C6orf132: variants seen among roughly 807,000 people sequenced by gnomAD.
C6orf132 encodes chromosome 6 open reading frame 132.
In C6orf132, 43 loss-of-function variants were observed where a neutral mutation model predicts 65.3. That is an observed-to-expected ratio of 0.66 (90% CI 0.52 to 0.85). The LOEUF (loss-of-function observed/expected upper bound fraction) is 0.85. Among genes scored for constraint, C6orf132 ranks in the 40% least tolerant of loss-of-function variants. The pLI is 0.00. For synonymous variants in C6orf132, 631 were observed against 654.1 expected (o/e 0.96, Z 0.54); for missense variants, 1,488 against 1,548.8 (o/e 0.96, Z 0.66).
At chr6:42,130,817 A>G (rs1387580576) in intron 1 of C6orf132, among the ~76,000 whole-genome samples, 1 of 147,648 alleles carries the variant, frequency 6.8e-6, no homozygotes, top group Non-Finnish European at 1.5e-5. Context: ...TTTTGGTTAT[A>G]TAGATGAGAG....
chr6:42,103,946 CGAGGGACCGAGAGGAAAAGATGCTG>C (rs1766341063), intron 4 of C6orf132, 68 bp from the exon 5 acceptor site: 1 of 1,073,424 alleles, frequency 9.3e-7, no homozygotes, highest in Admixed American at 3.8e-5. Context: ...CTCATCTCCC[CGAGGGACCGAGAGGAAAAGATGCTG>C]CTCATACTTC....
Position 42,104,641 on chromosome 6 carries a change from A to G in C6orf132, c.3271T>C (p.Cys1091Arg), listed in dbSNP as rs9471761. The change falls in exon 4 of 5, where the codon TGC becomes CGC. Residue 1091 changes from cysteine to arginine, a missense_variant. Physicochemically the swap from Cys to Arg is radical, Grantham distance 180. Coordinates refer to ENST00000341865, the MANE Select transcript of C6orf132 (RefSeq NM_001164446.3). This position sits in a 1 kb window ranked among gnomAD's most constrained non-coding sequence, Gnocchi z 4.1. ...GGGCCTCCGGGCTGCGGCCCGAAGC[A>G]GTTGGGAGAGCTCAGGCTGCGGCCG... Reference protein sequence around the residue: ...GTGRSLSSPNCFGPQPGGPEM... With the variant: ...GTGRSLSSPNRFGPQPGGPEM... 1.4e-4 allele frequency: 205 copies of G among 1,466,282 alleles called. No homozygotes were observed. In the African/African-American group the frequency reaches 2.8e-3, roughly 20 times the overall value. 90.8% of individuals were successfully genotyped at this position (1,466,282 alleles called of 1,614,324 possible). A position where few individuals can be genotyped will look rare whatever the true frequency, so the allele number is the denominator to read the frequency against.
At position 42,102,916 on chromosome 6, in the gene C6orf132, T is replaced by G. The variant is rs1277720653; in HGVS notation, c.*845A>C. 3 of 397,180 alleles carry G rather than the reference T, an allele frequency of 7.6e-6. No individual in the cohort carries two copies. The highest frequency in any genetic ancestry group is 1.3e-5 in the Non-Finnish European group (3 of 225,806). The allele number at this position is 397,180 out of a possible 1,614,324, so 24.6% of individuals were successfully genotyped here. Reference sequence around the variant, plus strand: ...AGACCTGGCCATGTAAGGCCCCTAGTGTCAAGCCTAAGACTCATGGCTCCT... The same window carrying G: ...AGACCTGGCCATGTAAGGCCCCTAGGGTCAAGCCTAAGACTCATGGCTCCT... On this transcript the variant is annotated 3_prime_UTR_variant, in exon 5 of 5. Coordinates refer to ENST00000341865, the MANE Select transcript of C6orf132 (RefSeq NM_001164446.3).
In C6orf132 at chr6:42,107,012, A is replaced by G; in HGVS notation, c.900T>C (p.Arg300=). 1 of 1,522,864 alleles carries G rather than the reference A, an allele frequency of 6.6e-7. No homozygotes were observed. Among genetic ancestry groups the G allele is most frequent in the African/African-American group, 1.4e-5 (1 of 69,044 alleles). 94.3% of individuals were successfully genotyped at this position (1,522,864 alleles called of 1,614,324 possible). A position where few individuals can be genotyped will look rare whatever the true frequency, so the allele number is the denominator to read the frequency against. The part of the protein sequence containing the change: ...PNPEPHLTFP[R]SFKVPPPTPV... ...GGGTTGGGGGAGGCACTTTGAAAGA[A>G]CGGGGGAAGGTGAGATGGGGCTCTG... is the stretch of plus-strand genomic sequence containing the variant. The change falls in exon 4 of 5, where the codon CGT becomes CGC. Residue 300 remains arginine (R), a synonymous_variant. Transcript: ENST00000341865.
intron 2 of C6orf132, among the ~76,000 whole-genome samples, chr6:42,118,663 C>T (rs1043058082): frequency 3.3e-5 from 5 of 151,966 alleles, no homozygotes; most frequent in Admixed American, 6.6e-5. Context: ...CCTGGGCAGC[C>T]GGCCACAGCC....
intron 2 of C6orf132, among the ~76,000 whole-genome samples, chr6:42,123,858 G>A (rs965391013): frequency 1.2e-4 from 18 of 152,124 alleles, no homozygotes; most frequent in Non-Finnish European, 2.6e-4. Context: ...GAAGTTTGGT[G>A]GCTCAAATCC....
chr6:42,105,720 G>T lies in C6orf132; in HGVS notation c.2192C>A (p.Ala731Glu), dbSNP rs1323556802. Residue 731 changes from alanine (A) to glutamate (E), a missense_variant, in exon 4 of 5, where the codon GCA becomes GAA. Coordinates refer to ENST00000341865, the MANE Select transcript of C6orf132 (RefSeq NM_001164446.3). Reference protein sequence around the residue: ...ASQEVSTPSQARGEGSPSEAT... With the variant: ...ASQEVSTPSQERGEGSPSEAT... ...CTCTGAGGGGGACCCCTCTCCCCTTGCCTGGGAGGGAGTGGAAACTTCTTG... is the reference window on the plus strand; with the variant it reads ...CTCTGAGGGGGACCCCTCTCCCCTTTCCTGGGAGGGAGTGGAAACTTCTTG... The T allele has an allele frequency of 6.5e-7, 1 of 1,537,324 alleles. No homozygotes were observed. The highest frequency in any genetic ancestry group is 8.7e-7 in the Non-Finnish European group (1 of 1,146,928).
intron 1 of C6orf132, 112 bp downstream of exon 1, chr6:42,142,188 C>A: frequency 7.9e-7 from 1 of 1,262,742 alleles, no homozygotes; most frequent in South Asian, 1.5e-5. Flanking sequence ...CTCGGCCAGT[C>A]CGCAGGTTCC....
rs150996206 is a variant in C6orf132 at position 42,102,653 on chromosome 6, C to T, written c.*1108G>A. ...GAACTTCTGACCTCAAGTGATCCAC[C>T]GGCCTCGGCCTCCCAAAGTGCTGGG... On this transcript the variant is annotated 3_prime_UTR_variant, in exon 5 of 5. Transcript: ENST00000341865. 615 of 154,524 alleles carry T rather than the reference C, an allele frequency of 4.0e-3. 9 individuals carry two copies. The highest frequency in any genetic ancestry group is 0.013 in the Middle Eastern group (4 of 310). 9.6% of individuals were successfully genotyped at this position (154,524 alleles called of 1,614,324 possible). A position where few individuals can be genotyped will look rare whatever the true frequency, so the allele number is the denominator to read the frequency against.
chr6:42,117,923 C>CACAAA (rs1766606631), intron 2 of C6orf132, among the ~76,000 whole-genome samples: 2 of 62,320 alleles, frequency 3.2e-5, no homozygotes, highest in Non-Finnish European at 5.8e-5. Flanking sequence ...AACCCTGTCA[C>CACAAA]AAAAAAAAAA....
chr6:42,134,418 G>C (rs895935360), intron 1 of C6orf132, among the ~76,000 whole-genome samples: 3 of 152,138 alleles, frequency 2.0e-5, no homozygotes, highest in African/African-American at 7.2e-5. Context: ...GGTGGCTCAC[G>C]TCTGTAATCT....
At position 42,103,800 on chromosome 6, in the gene C6orf132, G is replaced by T. The variant is rs1322574371; in HGVS notation, c.3528C>A (p.Ser1176=). Residue 1176 remains serine, a synonymous_variant, in exon 5 of 5, where the codon TCC becomes TCA. Coordinates refer to ENST00000341865, the MANE Select transcript of C6orf132 (RefSeq NM_001164446.3). ...TCCGATGGGCCCCTGAGCAGACATAGGAGATGGGATGGCGGGTCCCAGGCC... is the reference window on the plus strand; with the variant it reads ...TCCGATGGGCCCCTGAGCAGACATATGAGATGGGATGGCGGGTCCCAGGCC... The part of the protein sequence containing the change: ...TVRPGTRHPI[S]YVCSGAHRKA... 2.2e-5 allele frequency: 33 copies of T among 1,490,638 alleles called. No individual in the cohort carries two copies. The highest frequency in any genetic ancestry group is 2.9e-5 in the Non-Finnish European group (33 of 1,122,772). 92.3% of individuals were successfully genotyped at this position (1,490,638 alleles called of 1,614,324 possible). A position where few individuals can be genotyped will look rare whatever the true frequency, so the allele number is the denominator to read the frequency against.
rs1220280097 is a variant in C6orf132 at position 42,142,535 on chromosome 6, G to C, written c.-91C>G. 4 of 1,235,694 alleles carry C rather than the reference G, an allele frequency of 3.2e-6. No individual in the cohort carries two copies. Among genetic ancestry groups the C allele is most frequent in the African/African-American group, 3.1e-5 (2 of 63,962 alleles). 76.5% of individuals were successfully genotyped at this position (1,235,694 alleles called of 1,614,324 possible). ...TGAACTCAGCACGGTCTCCCCAGGG[G>C]ACTCTACCAGGCCATGTCCCCCGCC... On this transcript the variant is annotated 5_prime_UTR_variant, in exon 1 of 5. Transcript: ENST00000341865.
At chr6:42,111,050 C>CCT (rs1286087086) in intron 2 of C6orf132, among the ~76,000 whole-genome samples, 1 of 152,150 alleles carries the variant, frequency 6.6e-6, no homozygotes, top group Non-Finnish European at 1.5e-5. Context: ...AAGCCAAACT[C>CCT]CTCAGCCTGG....
At chr6:42,128,970 T>C (rs1051620088) in intron 1 of C6orf132, among the ~76,000 whole-genome samples, 192 bp from the exon 2 acceptor site, 4 of 152,150 alleles carry the variant, frequency 2.6e-5, no homozygotes, top group Non-Finnish European at 5.9e-5. Flanking sequence ...CCAGCTGAGG[T>C]GGCGCTGGGT....
chr6:42,104,528 G>A lies in C6orf132; in HGVS notation c.3384C>T (p.Gly1128=), dbSNP rs1766353418. 1 of 1,234,408 alleles carries A rather than the reference G, an allele frequency of 8.1e-7. No individual in the cohort carries two copies. The highest frequency in any genetic ancestry group is 4.2e-5 in the Admixed American group (1 of 23,628). 76.5% of individuals were successfully genotyped at this position (1,234,408 alleles called of 1,614,324 possible). A position where few individuals can be genotyped will look rare whatever the true frequency, so the allele number is the denominator to read the frequency against. Residue 1128 remains glycine, a synonymous_variant, in exon 4 of 5, where the codon GGC becomes GGT. Coordinates refer to ENST00000341865, the MANE Select transcript of C6orf132 (RefSeq NM_001164446.3). The surrounding 1 kb of genome is among the most constrained non-coding windows in gnomAD (Gnocchi z 4.1). Reference sequence around the variant, plus strand: ...GCGCTTTGTGCTTGGCCTCCGCGGCGCCCCGGGCGGCGCCCTCCAGGGACA... The same window carrying A: ...GCGCTTTGTGCTTGGCCTCCGCGGCACCCCGGGCGGCGCCCTCCAGGGACA... The part of the protein sequence containing the change: ...PRLSLEGAAR[G]AAEAKHKAPG...
At chr6:42,133,843 G>A (rs535601763) in intron 1 of C6orf132, among the ~76,000 whole-genome samples, 45 of 98,074 alleles carry the variant, frequency 4.6e-4, no homozygotes, top group African/African-American at 2.5e-3. Flanking sequence ...GCGGGGCGGG[G>A]CGGGGGAGGT....
In C6orf132 at chr6:42,105,130, C is replaced by T. The variant is rs1465141024; in HGVS notation, c.2782G>A (p.Glu928Lys). The change falls in exon 4 of 5, where the codon GAG (glutamate) becomes AAG (lysine). Residue 928 changes from glutamate (E) to lysine (K), a missense_variant. By Grantham distance (56) the Glu-to-Lys change is moderately conservative (BLOSUM62 1). Coordinates refer to ENST00000341865, the MANE Select transcript of C6orf132 (RefSeq NM_001164446.3). ...PRLGRDAEGT[E>K]LSRRHNWTKP... ...GTCCAGTTGTGCCTGCGGCTCAGCTCTGTGCCCTCTGCGTCTCTTCCCAGC... is the reference window on the plus strand; with the variant it reads ...GTCCAGTTGTGCCTGCGGCTCAGCTTTGTGCCCTCTGCGTCTCTTCCCAGC... The T allele has an allele frequency of 2.7e-5, 42 of 1,537,020 alleles. No homozygotes were observed. The highest frequency in any genetic ancestry group is 3.6e-5 in the Non-Finnish European group (41 of 1,146,828).
chr6:42,107,668 G>A, intron 3 of C6orf132, 85 bp from the exon 4 acceptor site: 3 of 1,494,396 alleles, frequency 2.0e-6, no homozygotes, highest in African/African-American at 2.8e-5. Flanking sequence ...CAGGGGCAGG[G>A]GTGGGCACCC....
Sources: allele counts gnomAD v4.1 joint callset (sites outside exome capture counted in the v4.1 genomes callset), GRCh38; gene constraint gnomAD v4.1.1; non-coding constraint Gnocchi (gnomAD v3.1); transcripts MANE v1.5; gene names NCBI Gene and HGNC (gene_info 2026-07-23, HGNC 2026-07-21).